Variants in CAP2 observed in about 807,000 individuals in gnomAD.
CAP2 encodes the protein adenylyl cyclase-associated protein 2.
Under a neutral mutation model 57.7 loss-of-function variants are expected in CAP2, and 24 were observed. The ratio of observed to expected loss-of-function variants is 0.42; its 90% CI spans 0.30 to 0.58. The LOEUF is 0.58. Ranked by LOEUF, CAP2 falls within the 20% of genes least tolerant of loss-of-function variation. CAP2 has a pLI of 0.22. For synonymous variants in CAP2, 194 were observed against 207.2 expected (o/e 0.94, Z 0.55); for missense variants, 501 against 590.3 (o/e 0.85, Z 1.57).
At chr6:17,515,261 G>A (rs1021653901) in intron 7 of CAP2, among the ~76,000 whole-genome samples, 3 of 152,076 alleles carry the variant, frequency 2.0e-5, no homozygotes, top group Admixed American at 1.3e-4. Flanking sequence ...AGGTGTACAT[G>A]GAAAGCTATG....
At chr6:17,551,915 G>A (rs2113712004) in intron 12 of CAP2, among the ~76,000 whole-genome samples, 1 of 152,298 alleles carries the variant, frequency 6.6e-6, no homozygotes, top group East Asian at 1.9e-4. Flanking sequence ...TTGCTCTGGT[G>A]GAGGTAAACA....
At chr6:17,419,146 C>T (rs1759363579) in intron 1 of CAP2, among the ~76,000 whole-genome samples, 2 of 152,182 alleles carry the variant, frequency 1.3e-5, no homozygotes, top group African/African-American at 4.8e-5. Context: ...ATAAGTATAA[C>T]CTTGCTTTTG....
At chr6:17,521,906 C>G (rs115665183) in intron 7 of CAP2, among the ~76,000 whole-genome samples, 1 of 151,930 alleles carries the variant, frequency 6.6e-6, no homozygotes, top group African/African-American at 2.4e-5. Context: ...GTCAGGAGTT[C>G]GAGACCAGTG....
At chr6:17,506,008 T>A (rs1761972959) in intron 4 of CAP2, among the ~76,000 whole-genome samples, 1 of 152,140 alleles carries the variant, frequency 6.6e-6, no homozygotes, top group South Asian at 2.1e-4. Context: ...TCTCCCAGGA[T>A]TGGAGTCTCC....
chr6:17,428,698 G>A (rs939486596), intron 3 of CAP2, among the ~76,000 whole-genome samples: 3 of 151,362 alleles, frequency 2.0e-5, no homozygotes, highest in East Asian at 2.0e-4. Context: ...TGGGTGCAGC[G>A]CACCAGCATG....
intron 7 of CAP2, among the ~76,000 whole-genome samples, chr6:17,518,380 C>G (rs531725127): frequency 1.6e-4 from 25 of 152,228 alleles, no homozygotes; most frequent in African/African-American, 5.8e-4. Context: ...TGTCGACATT[C>G]CAGCAAAATG....
At chr6:17,493,339 T>TAGAGATGAGATATGAG in intron 4 of CAP2, 1 of 334,566 alleles carries the variant, frequency 3.0e-6, no homozygotes, top group Non-Finnish European at 6.2e-6. Context: ...TAAGATATGA[T>TAGAGATGAGATATGAG]AGAGATGAAA....
intron 4 of CAP2, among the ~76,000 whole-genome samples, chr6:17,499,848 C>CATAAATAAATAAATAAATAA (rs139314619): frequency 1.9e-4 from 27 of 142,708 alleles, no homozygotes; most frequent in South Asian, 7.0e-4. Flanking sequence ...GAGACCCTGT[C>CATAAATAAATAAATAAATAA]ATAAATAAAT....
intron 9 of CAP2, 54 bp downstream of exon 9, chr6:17,541,202 A>AG: frequency 7.3e-7 from 1 of 1,373,448 alleles, no homozygotes; most frequent in Admixed American, 2.0e-5. Context: ...TGAAAGGACC[A>AG]ACAGCCAAAC....
chr6:17,480,952 A>ATTTTTTTTTTTTTTTTTTT (rs59581120), intron 4 of CAP2, among the ~76,000 whole-genome samples: 1 of 70,728 alleles, frequency 1.4e-5, no homozygotes, highest in Non-Finnish European at 2.6e-5. Context: ...CTAATTTTGT[A>ATTTTTTTTTTTTTTTTTTT]TTTTTTTTTT....
At chr6:17,426,785 T>A (rs1289262780) in intron 3 of CAP2, 95 bp downstream of exon 3, 2 of 823,554 alleles carry the variant, frequency 2.4e-6, no homozygotes, top group African/African-American at 3.4e-5. Context: ...TTTATTTATT[T>A]ATTTAGTTTT....
chr6:17,490,031 C>A (rs969706938), intron 4 of CAP2, among the ~76,000 whole-genome samples: 3 of 152,040 alleles, frequency 2.0e-5, no homozygotes, highest in Middle Eastern at 3.2e-3. Flanking sequence ...GACTGTCACC[C>A]ACTGTGTATG....
chr6:17,496,551 C>T (rs1761673654), intron 4 of CAP2, among the ~76,000 whole-genome samples: 1 of 151,940 alleles, frequency 6.6e-6, no homozygotes, highest in African/African-American at 2.4e-5. Flanking sequence ...GTCTCAAACT[C>T]CTGGGTTCAA....
chr6:17,457,222 C>T (rs964132082), intron 3 of CAP2, among the ~76,000 whole-genome samples: 6 of 152,212 alleles, frequency 3.9e-5, no homozygotes, highest in Non-Finnish European at 8.8e-5. Flanking sequence ...ACATGTTCAC[C>T]CACAAAGGTT....
At chr6:17,409,292 C>T (rs1033300441) in intron 1 of CAP2, among the ~76,000 whole-genome samples, 48 of 151,904 alleles carry the variant, frequency 3.2e-4, no homozygotes, top group African/African-American at 1.1e-3. Flanking sequence ...GAATCACCTG[C>T]GCCCAGGAAG....
intron 3 of CAP2, among the ~76,000 whole-genome samples, chr6:17,428,798 A>G (rs1234139496): frequency 6.6e-6 from 1 of 152,100 alleles, no homozygotes; most frequent in African/African-American, 2.4e-5. Flanking sequence ...TAAAAAAAGT[A>G]TAAAGGGATT....
chr6:17,501,448 T>G (rs977624760), intron 4 of CAP2, among the ~76,000 whole-genome samples: 1 of 152,222 alleles, frequency 6.6e-6, no homozygotes, highest in African/African-American at 2.4e-5. Context: ...GAGCATATAT[T>G]GATTTTTATA....
chr6:17,485,914 T>G (rs1387437116), intron 4 of CAP2, among the ~76,000 whole-genome samples: 1 of 152,226 alleles, frequency 6.6e-6, no homozygotes, highest in Admixed American at 6.5e-5. Context: ...ACATCCTGTT[T>G]GTGTTCCCAC....
At chr6:17,399,552 A>G (rs996156629) in intron 1 of CAP2, among the ~76,000 whole-genome samples, 1 of 152,220 alleles carries the variant, frequency 6.6e-6, no homozygotes, top group Non-Finnish European at 1.5e-5. Context: ...AGAAGAAATT[A>G]TGACTATTAT....
Sources: gnomAD v4.1 joint callset for allele counts (sites outside exome capture counted in the v4.1 genomes callset) on GRCh38, gnomAD v4.1.1 for gene constraint, MANE v1.5 for transcripts, NCBI Gene and HGNC (gene_info 2026-07-23, HGNC 2026-07-21) for gene names.